The following ASAP1 variants were observed in gnomAD, a reference collection of about 807,000 sequenced individuals.
ASAP1 encodes the protein ArfGAP with SH3 domain, ankyrin repeat and PH domain 1, also known as arf-GAP with SH3 domain, ANK repeat and PH domain-containing protein 1.
ASAP1 carries 43 observed loss-of-function variants against 145.2 expected under a neutral mutation model. That is an observed-to-expected ratio of 0.30 (90% confidence interval 0.23 to 0.38). The LOEUF (loss-of-function observed/expected upper bound fraction) is 0.38, where lower values mean the gene tolerates loss of function less well. Ranked by LOEUF, ASAP1 falls within the 10% of genes least tolerant of loss-of-function variation. The pLI is 1.00. For synonymous variants in ASAP1, 546 were observed against 515.5 expected (o/e 1.06, Z -0.80); for missense variants, 1,018 against 1,355.3 (o/e 0.75, Z 3.91).
chr8:130,059,189 G>A (rs2097411852), intron 28 of ASAP1, among the ~76,000 whole-genome samples: 1 of 151,338 alleles, frequency 6.6e-6, no homozygotes, highest in Non-Finnish European at 1.5e-5. Context: ...TTTTGAGACG[G>A]GGTTTCACTC....
At chr8:130,352,481 T>A (rs1826058230) in intron 3 of ASAP1, among the ~76,000 whole-genome samples, 1 of 152,154 alleles carries the variant, frequency 6.6e-6, no homozygotes, top group Non-Finnish European at 1.5e-5. Flanking sequence ...AGCTCTATCA[T>A]CAGCATGGCA....
intron 25 of ASAP1, among the ~76,000 whole-genome samples, chr8:130,090,847 C>A (rs2097504029): frequency 6.6e-6 from 1 of 152,176 alleles, no homozygotes; most frequent in Admixed American, 6.5e-5. Flanking sequence ...AGGTGACAAT[C>A]AGCAACGGGA....
In ASAP1 at chr8:130,115,496, C is replaced by A. The variant is rs146423114; in HGVS notation, c.2172+132G>T. 73 of 726,164 alleles carry A rather than the reference C, an allele frequency of 1.0e-4. No individual in the cohort carries two copies. The East Asian group carries it at 1.5e-3, about 15-fold the overall frequency. The allele number at this position is 726,164 out of a possible 1,614,324, so 45.0% of individuals were successfully genotyped here. ...TAAATGGTGCCCAATAAGGACTGAACAACATAAATGGCCCTGATACATTGG... is the reference window on the plus strand; with the variant it reads ...TAAATGGTGCCCAATAAGGACTGAAAAACATAAATGGCCCTGATACATTGG... On this transcript the variant is annotated intron_variant, in intron 23 of 29. Coordinates refer to ENST00000518721, the MANE Select transcript of ASAP1 (RefSeq NM_018482.4).
At chr8:130,138,800 C>T (rs1419786466) in intron 13 of ASAP1, among the ~76,000 whole-genome samples, 3 of 147,596 alleles carry the variant, frequency 2.0e-5, no homozygotes, top group Non-Finnish European at 4.4e-5. Context: ...CTCGCCACTG[C>T]ACTCCAGCCT....
chr8:130,221,098 G>A (rs1817267722), intron 4 of ASAP1, among the ~76,000 whole-genome samples: 2 of 152,148 alleles, frequency 1.3e-5, no homozygotes, highest in Non-Finnish European at 1.5e-5. Context: ...GCCAGGCACT[G>A]TGGTATGAGC....
chr8:130,341,654 T>G (rs779295396), intron 3 of ASAP1, among the ~76,000 whole-genome samples: 5 of 152,162 alleles, frequency 3.3e-5, no homozygotes, highest in Non-Finnish European at 5.9e-5. Flanking sequence ...GAGCATCACC[T>G]GATGAGGCTG....
chr8:130,423,996 G>A (rs999408778), intron 1 of ASAP1, among the ~76,000 whole-genome samples: 6 of 152,140 alleles, frequency 3.9e-5, no homozygotes, highest in South Asian at 2.1e-4. Context: ...TGACTGCGGC[G>A]ATGGCTGCAC....
At chr8:130,342,868 T>C (rs1465528192) in intron 3 of ASAP1, among the ~76,000 whole-genome samples, 1 of 152,142 alleles carries the variant, frequency 6.6e-6, no homozygotes, top group Non-Finnish European at 1.5e-5. Flanking sequence ...ATCTAACTTC[T>C]ACCCCTCTCT....
chr8:130,174,309 T>C (rs752848151), intron 9 of ASAP1, among the ~76,000 whole-genome samples: 1 of 152,198 alleles, frequency 6.6e-6, no homozygotes, highest in Admixed American at 6.5e-5. Context: ...GTGAAGCACA[T>C]GTGTGAGTTC....
intron 11 of ASAP1, among the ~76,000 whole-genome samples, chr8:130,166,412 T>C (rs1359961468): frequency 2.6e-5 from 4 of 152,170 alleles, no homozygotes; most frequent in Admixed American, 2.0e-4. Context: ...TCTACGTCCC[T>C]TAGTACAACA....
chr8:130,213,211 C>T (rs550645454), intron 5 of ASAP1, among the ~76,000 whole-genome samples: 71 of 152,282 alleles, frequency 4.7e-4, no homozygotes, highest in African/African-American at 1.7e-3. Flanking sequence ...TTATCCTTTC[C>T]GAAGTTTTTG....
intron 9 of ASAP1, 97 bp from the exon 10 acceptor site, chr8:130,169,164 C>G: frequency 2.9e-6 from 2 of 696,516 alleles, no homozygotes; most frequent in South Asian, 2.0e-5. Context: ...TAATAACCTA[C>G]AAAATCTGAA....
intron 13 of ASAP1, among the ~76,000 whole-genome samples, chr8:130,146,451 C>T (rs530550036): frequency 2.9e-4 from 44 of 152,242 alleles, no homozygotes; most frequent in African/African-American, 1.0e-3. Flanking sequence ...CTCCAAAGTT[C>T]GCCCTCTTAC....
At chr8:130,342,836 C>A (rs188806098) in intron 3 of ASAP1, among the ~76,000 whole-genome samples, 1 of 152,158 alleles carries the variant, frequency 6.6e-6, no homozygotes, top group East Asian at 1.9e-4. Context: ...GGTTGCCCCC[C>A]ACCCTACACC....
intron 5 of ASAP1, among the ~76,000 whole-genome samples, chr8:130,212,564 C>T (rs1816653864): frequency 6.6e-6 from 1 of 152,090 alleles, no homozygotes; most frequent in African/African-American, 2.4e-5. Flanking sequence ...AGTTATATAT[C>T]TCAATTTGCC....
intron 4 of ASAP1, among the ~76,000 whole-genome samples, chr8:130,230,133 T>C (rs1817826033): frequency 6.6e-6 from 1 of 152,096 alleles, no homozygotes; most frequent in South Asian, 2.1e-4. Context: ...GGTCGTGGGA[T>C]GAGTACTCAC....
chr8:130,284,651 T>C (rs935396017), intron 3 of ASAP1, among the ~76,000 whole-genome samples: 10 of 151,716 alleles, frequency 6.6e-5, no homozygotes, highest in African/African-American at 2.2e-4. Flanking sequence ...ATGCAGACTG[T>C]GATGTAGGAT....
chr8:130,087,564 G>A (rs867415144), intron 25 of ASAP1, among the ~76,000 whole-genome samples: 85 of 152,254 alleles, frequency 5.6e-4, no homozygotes, highest in African/African-American at 2.0e-3. Context: ...CCACCTGGCT[G>A]AGGAAAGAGG....
intron 12 of ASAP1, among the ~76,000 whole-genome samples, chr8:130,157,875 G>A (rs150723563): frequency 1.3e-5 from 2 of 152,104 alleles, no homozygotes; most frequent in African/African-American, 2.4e-5. Flanking sequence ...ATCTTTCTCC[G>A]TAGCACTAAT....
Sources: allele counts gnomAD v4.1 joint callset (sites outside exome capture counted in the v4.1 genomes callset), GRCh38; gene constraint gnomAD v4.1.1; transcripts MANE v1.5; gene names NCBI Gene and HGNC (gene_info 2026-07-23, HGNC 2026-07-21).